Variants in DTNA observed in about 807,000 individuals in gnomAD.
DTNA encodes the protein dystrobrevin alpha, also known as dystrophin-related protein 3.
DTNA carries 43 observed loss-of-function variants against 100.7 expected under a neutral mutation model. That is an observed-to-expected ratio of 0.43 (90% CI 0.33 to 0.55). The LOEUF (loss-of-function observed/expected upper bound fraction) is 0.55. DTNA is among the 20% of genes least tolerant of loss of function. DTNA has a pLI of 0.04. For missense variants in DTNA, 798 were observed against 953.9 expected, an observed-to-expected ratio of 0.84 and a Z score of 2.15; for synonymous variants, 349 against 347.9, an observed-to-expected ratio of 1.00 and a Z score of -0.04.
chr18:34,856,062 C>G (rs1346288403), intron 15 of DTNA, among the ~76,000 whole-genome samples: 1 of 152,150 alleles, frequency 6.6e-6, no homozygotes, highest in Non-Finnish European at 1.5e-5. Flanking sequence ...ATCGCACTCT[C>G]TAAATGCATG....
intron 1 of DTNA, among the ~76,000 whole-genome samples, chr18:34,605,481 A>G (rs917836559): frequency 1.3e-5 from 2 of 152,202 alleles, no homozygotes; most frequent in Non-Finnish European, 2.9e-5. Context: ...AAGCAGAGAC[A>G]TTACTCCAGG....
rs1277414577 is a variant in DTNA at position 34,890,917 on chromosome 18, T to A, written c.*3183T>A. The A allele has an allele frequency of 6.4e-6, 1 of 156,310 alleles. No individual in the cohort carries two copies. The highest frequency in any genetic ancestry group is 1.4e-5 in the Non-Finnish European group (1 of 70,346). 9.7% of individuals were successfully genotyped at this position (156,310 alleles called of 1,614,324 possible). On this transcript the variant is annotated 3_prime_UTR_variant, in exon 23 of 23. Coordinates refer to ENST00000444659, the MANE Select transcript of DTNA (RefSeq NM_001386795.1). ...TCTGCTTTTATTTTGATCATCTTTG[T>A]CCACCCTTATTAGTTCTTGGCTGTT...
intron 11 of DTNA, among the ~76,000 whole-genome samples, chr18:34,830,100 A>T (rs2095968673): frequency 6.6e-6 from 1 of 152,162 alleles, no homozygotes; most frequent in South Asian, 2.1e-4. Context: ...ACTAAGATGG[A>T]TAGAAATCTA....
At chr18:34,550,553 T>C (rs893944788) in intron 1 of DTNA, among the ~76,000 whole-genome samples, 5 of 152,186 alleles carry the variant, frequency 3.3e-5, no homozygotes, top group Non-Finnish European at 7.4e-5. Flanking sequence ...AATTCTTAGA[T>C]GCCTTTTGAG....
upstream of DTNA, among the ~76,000 whole-genome samples, chr18:34,706,554 G>T (rs2082144845): frequency 6.6e-6 from 1 of 152,050 alleles, no homozygotes; most frequent in South Asian, 2.1e-4. Context: ...AAAATGATAT[G>T]GCAAAATGAT....
In DTNA at chr18:34,888,106, G is replaced by A. The variant is rs962499480; in HGVS notation, c.*372G>A. ...CAAACACAGGCTGAAAACCCATGCT[G>A]CTGTTATACACAATGGCAGTATTAA... On this transcript the variant is annotated 3_prime_UTR_variant, in exon 23 of 23. Transcript: ENST00000444659. The A allele has an allele frequency of 5.7e-5, 56 of 985,740 alleles. No individual in the cohort carries two copies. Among genetic ancestry groups the A allele is most frequent in the Non-Finnish European group, 6.5e-5 (54 of 829,936 alleles). The allele number at this position is 985,740 out of a possible 1,614,324, so 61.1% of individuals were successfully genotyped here.
chr18:34,751,025 A>G (rs546884184), intron 1 of DTNA, among the ~76,000 whole-genome samples: 1 of 152,326 alleles, frequency 6.6e-6, no homozygotes, highest in East Asian at 1.9e-4. Context: ...ACATGGGGGC[A>G]AAGAGTTGGA....
At chr18:34,555,489 T>C (rs1200978335) in intron 1 of DTNA, among the ~76,000 whole-genome samples, 6 of 152,270 alleles carry the variant, frequency 3.9e-5, no homozygotes, top group Admixed American at 2.0e-4. Context: ...TTTGGATCTT[T>C]CCTGCTTTCT....
Position 34,879,738 on chromosome 18 carries a change from G to T in DTNA, c.2162+19G>T. ...GCGACATGTGAGTATCTTCCGCTTG[G>T]AAGCATTTTCTCAGTAACAAAACAA... On this transcript the variant is annotated intron_variant, in intron 20 of 22. Transcript: ENST00000444659. The T allele has an allele frequency of 5.6e-6, 9 of 1,613,822 alleles. No individual in the cohort carries two copies. Among genetic ancestry groups the T allele is most frequent in the Non-Finnish European group, 7.6e-6 (9 of 1,179,876 alleles).
intron 5 of DTNA, among the ~76,000 whole-genome samples, chr18:34,810,271 C>T (rs1436380647): frequency 2.6e-5 from 4 of 152,096 alleles, no homozygotes; most frequent in Admixed American, 6.6e-5. Context: ...GACTTTCTAA[C>T]GCACTGACCT....
At chr18:34,594,380 C>T (rs16965593) in intron 1 of DTNA, among the ~76,000 whole-genome samples, 12,447 of 152,250 alleles carry the variant, frequency 0.082, 640 homozygotes, top group African/African-American at 0.13. Context: ...AGAGACAGCT[C>T]TTCCAAACTT....
chr18:34,791,150 G>A (rs546090968), intron 3 of DTNA, among the ~76,000 whole-genome samples: 31 of 152,250 alleles, frequency 2.0e-4, no homozygotes, highest in Non-Finnish European at 4.3e-4. Flanking sequence ...TCCACCACTG[G>A]GAATTCTAAA....
At chr18:34,696,746 A>G (rs1165295563) in intron 1 of DTNA, among the ~76,000 whole-genome samples, 1 of 152,146 alleles carries the variant, frequency 6.6e-6, no homozygotes, top group African/African-American at 2.4e-5. Context: ...GGAAAGAAAG[A>G]TGATTTTTTT....
At chr18:34,705,867 G>GT (rs1271007551), upstream of DTNA, among the ~76,000 whole-genome samples, 2 of 152,094 alleles carry the variant, frequency 1.3e-5, no homozygotes, top group Non-Finnish European at 2.9e-5. Flanking sequence ...CTATTAAAAG[G>GT]TATTTTCAAA....
At chr18:34,757,769 T>C (rs945515159) in intron 2 of DTNA, among the ~76,000 whole-genome samples, 1 of 152,206 alleles carries the variant, frequency 6.6e-6, no homozygotes, top group Admixed American at 6.5e-5. Context: ...GGTTCCCAAA[T>C]TATAACTTTG....
intron 13 of DTNA, among the ~76,000 whole-genome samples, chr18:34,843,287 T>C (rs550261937): frequency 6.6e-6 from 1 of 152,240 alleles, no homozygotes; most frequent in Admixed American, 6.5e-5. Context: ...TTCACTGATG[T>C]GAACAGAGCA....
chr18:34,709,706 A>C (rs1246327146), upstream of DTNA, among the ~76,000 whole-genome samples: 2 of 152,188 alleles, frequency 1.3e-5, no homozygotes, highest in Non-Finnish European at 2.9e-5. Context: ...ATTTTAAAAG[A>C]ACTGAAATCT....
intron 5 of DTNA, among the ~76,000 whole-genome samples, chr18:34,809,374 T>C (rs1422451467): frequency 6.6e-6 from 1 of 152,122 alleles, no homozygotes; most frequent in Non-Finnish European, 1.5e-5. Flanking sequence ...GGAGAATCAC[T>C]TGAACCCAGG....
At chr18:34,695,222 T>A (rs2080352037) in intron 1 of DTNA, among the ~76,000 whole-genome samples, 1 of 152,196 alleles carries the variant, frequency 6.6e-6, no homozygotes. Context: ...CATCTGATAA[T>A]TACACCTTTG....
Sources: allele counts gnomAD v4.1 joint callset (sites outside exome capture counted in the v4.1 genomes callset), GRCh38; gene constraint gnomAD v4.1.1; transcripts MANE v1.5; gene names NCBI Gene and HGNC (gene_info 2026-07-23, HGNC 2026-07-21).